MIF4GD: variants seen among roughly 807,000 people sequenced by gnomAD.
MIF4GD encodes the protein MIF4G domain containing.
A neutral mutation model predicts 26.7 loss-of-function variants in MIF4GD; 22 were observed. That is an observed-to-expected ratio of 0.82 (90% confidence interval 0.59 to 1.18). MIF4GD has a LOEUF of 1.18. Among genes scored for constraint, MIF4GD ranks in the 50% most tolerant of loss-of-function variants. The pLI is 0.00. For synonymous variants in MIF4GD, 137 were observed against 111.6 expected (o/e 1.23, Z -1.43); for missense variants, 262 against 279.6 (o/e 0.94, Z 0.45).
chr17:75,267,134 C>T (rs867158483), intron 5 of MIF4GD, among the ~76,000 whole-genome samples, 167 bp from the exon 6 acceptor site: 6 of 152,100 alleles, frequency 3.9e-5, no homozygotes, highest in Non-Finnish European at 2.9e-5. Context: ...AAATGAGTTC[C>T]GGGACTTGCC....
At chr17:75,269,380 G>C (rs765754845) in intron 2 of MIF4GD, 9 of 1,614,110 alleles carry the variant, frequency 5.6e-6, no homozygotes, top group Non-Finnish European at 5.1e-6. Context: ...GAAGGCATCA[G>C]GCGAGAGCAA....
At chr17:75,267,440 TCCTCAGAGA>T (rs1280892817) in intron 5 of MIF4GD, 89 bp downstream of exon 5, 6 of 1,209,740 alleles carry the variant, frequency 5.0e-6, no homozygotes, top group Middle Eastern at 5.3e-4. Flanking sequence ...AGTGACACAG[TCCTCAGAGA>T]CCTCCGTGAG....
chr17:75,268,640 C>T (rs1249387683), intron 2 of MIF4GD, among the ~76,000 whole-genome samples: 1 of 147,330 alleles, frequency 6.8e-6, no homozygotes, highest in African/African-American at 2.5e-5. Context: ...CTATTGCACT[C>T]CAGCCTGGGC....
In MIF4GD at chr17:75,268,164, C is replaced by G; in HGVS notation, c.111G>C (p.Val37=). 1.2e-6 allele frequency: 2 copies of G among 1,614,246 alleles called. No individual in the cohort carries two copies. Among genetic ancestry groups the G allele is most frequent in the Non-Finnish European group, 1.7e-6 (2 of 1,180,032 alleles). The change falls in exon 3 of 6, where the codon GTG becomes GTC. Residue 37 remains valine (V), a synonymous_variant. Transcript: ENST00000325102. ...GAGAATGGTCCACAATCACATTGGC[C>G]ACTTTCTCCAAGTCCACAGCACCCG... ...KDPGAVDLEK[V]ANVIVDHSLQ...
At chr17:75,269,302 G>C in intron 2 of MIF4GD, 1 of 1,608,864 alleles carries the variant, frequency 6.2e-7, no homozygotes, top group Non-Finnish European at 8.5e-7. Context: ...AACAGGCTCG[G>C]CTTGACACAT....
Position 75,266,617 on chromosome 17 carries a change from AGAAGGGAAGACACTCAAAGTCTG to A in MIF4GD, c.*100_*122del. The A allele has an allele frequency of 1.1e-6, 1 of 885,588 alleles. No individual in the cohort carries two copies. The highest frequency in any genetic ancestry group is 1.8e-6 in the Non-Finnish European group (1 of 551,036). The allele number at this position is 885,588 out of a possible 1,614,324, so 54.9% of individuals were successfully genotyped here. A position where few individuals can be genotyped will look rare whatever the true frequency, so the allele number is the denominator to read the frequency against. ...ATCTCACCAGGAGATGGGAAAGTCT[AGAAGGGAAGACACTCAAAGTCTG>A]GAAGGGAAAAGTCTTTGGGTGAGGC... On this transcript the variant is annotated 3_prime_UTR_variant, in exon 6 of 6. Coordinates refer to ENST00000325102, the MANE Select transcript of MIF4GD (RefSeq NM_001370592.1).
chr17:75,267,586 G>C lies in MIF4GD; in HGVS notation c.393C>G (p.Asp131Glu). Residue 131 changes from aspartate to glutamate, a missense_variant, in exon 5 of 6, where the codon GAC (aspartate) becomes GAG (glutamate). Asp to Glu is a conservative substitution (Grantham distance 45). Transcript: ENST00000325102. ...PMMALVNPVY[D>E]CLFRLAQPDS... ...CTGGCTGGGCCAGCCGGAAGAGGCA[G>C]TCATAGACAGGGTTCACCAGGGCCA... 2 of 1,614,242 alleles carry C rather than the reference G, an allele frequency of 1.2e-6. No individual in the cohort carries two copies. The highest frequency in any genetic ancestry group is 1.7e-6 in the Non-Finnish European group (2 of 1,180,042).
rs751879261 is a variant in MIF4GD, at chr17:75,268,165, A to G, written c.110T>C (p.Val37Ala). The change falls in exon 3 of 6, where the codon GTG (valine) becomes GCG (alanine). Residue 37 changes from valine to alanine, a missense_variant. Transcript: ENST00000325102. ...AGAATGGTCCACAATCACATTGGCC[A>G]CTTTCTCCAAGTCCACAGCACCCGG... ...KDPGAVDLEK[V>A]ANVIVDHSLQ... The G allele has an allele frequency of 6.2e-7, 1 of 1,614,110 alleles. No individual in the cohort carries two copies. Among genetic ancestry groups the G allele is most frequent in the Non-Finnish European group, 8.5e-7 (1 of 1,180,040 alleles).
Position 75,268,191 on chromosome 17 carries a change from A to T in MIF4GD, c.84T>A (p.Asp28Glu), listed in dbSNP as rs764505586. The T allele has an allele frequency of 6.2e-7, 1 of 1,613,374 alleles. No individual in the cohort carries two copies. The highest frequency in any genetic ancestry group is 1.7e-5 in the Admixed American group (1 of 60,018). Residue 28 changes from aspartate (D) to glutamate (E), a missense_variant and splice_region_variant, in exon 3 of 6, where the codon GAT becomes GAA. Coordinates refer to ENST00000325102, the MANE Select transcript of MIF4GD (RefSeq NM_001370592.1). ...TQQLLKTALK[D>E]PGAVDLEKVA... ...CTTTCTCCAAGTCCACAGCACCCGG[A>T]TCTAGGGGTAGAGATAGGAGGGGAG...
rs570945379 is a variant in MIF4GD at position 75,270,496 on chromosome 17, A to G, written c.-50-251T>C. The stretch of plus-strand genomic sequence containing the variant: ...ACAAGAGCGAGAAGCTGAAGCAGGA[A>G]AGCGCCCACCCTCCAGTCCCAGCAG... On this transcript the variant is annotated intron_variant, in intron 1 of 5. Transcript: ENST00000325102. The surrounding 1 kb of genome is among the most constrained non-coding windows in gnomAD (Gnocchi z 5.7). 663 of 341,210 alleles carry G rather than the reference A, an allele frequency of 1.9e-3. 6 individuals carry two copies. Among genetic ancestry groups the G allele is most frequent in the African/African-American group, 0.013 (617 of 46,876 alleles). 21.1% of individuals were successfully genotyped at this position (341,210 alleles called of 1,614,324 possible). A position where few individuals can be genotyped will look rare whatever the true frequency, so the allele number is the denominator to read the frequency against.
Position 75,270,841 on chromosome 17 carries a change from C to T in MIF4GD, c.-51+303G>A, listed in dbSNP as rs938936271. ...CTCCCCAGACCCGTGCCAGCTTCTC[C>T]CTGGGACAGGCTGGTCGGATCGGCT... On this transcript the variant is annotated intron_variant, in intron 1 of 5. Transcript: ENST00000325102. The surrounding 1 kb of genome is among the most constrained non-coding windows in gnomAD (Gnocchi z 5.7). The T allele has an allele frequency of 4.6e-5, 7 of 152,722 alleles. No homozygotes were observed. Among genetic ancestry groups the T allele is most frequent in the African/African-American group, 1.4e-4 (6 of 41,458 alleles). The allele number at this position is 152,722 out of a possible 1,614,324, so 9.5% of individuals were successfully genotyped here.
intron 2 of MIF4GD, among the ~76,000 whole-genome samples, chr17:75,268,966 T>C (rs1369676152): frequency 6.6e-6 from 1 of 151,730 alleles, no homozygotes; most frequent in Non-Finnish European, 1.5e-5. Context: ...ATCGTGCCAT[T>C]GCACTCCAGC....
In MIF4GD at chr17:75,268,179, C is replaced by A; in HGVS notation, c.96G>T (p.Val32=). The A allele has an allele frequency of 3.1e-6, 5 of 1,614,144 alleles. No homozygotes were observed. Among genetic ancestry groups the A allele is most frequent in the Non-Finnish European group, 4.2e-6 (5 of 1,179,962 alleles). ...TCACATTGGCCACTTTCTCCAAGTC[C>A]ACAGCACCCGGATCTAGGGGTAGAG... ...LKTALKDPGA[V]DLEKVANVIV... Residue 32 remains valine, a synonymous_variant, in exon 3 of 6, where the codon GTG becomes GTT. Coordinates refer to ENST00000325102, the MANE Select transcript of MIF4GD (RefSeq NM_001370592.1).
chr17:75,267,968 C>T (rs1567822717), intron 3 of MIF4GD, 67 bp from the exon 4 acceptor site: 2 of 1,595,912 alleles, frequency 1.3e-6, no homozygotes, highest in East Asian at 4.5e-5. Context: ...CCATCCTATG[C>T]CTCTCTCTCT....
chr17:75,268,183 G>C lies in MIF4GD; in HGVS notation c.92C>G (p.Ala31Gly). ...LLKTALKDPG[A>G]VDLEKVANVI... ...ATTGGCCACTTTCTCCAAGTCCACAGCACCCGGATCTAGGGGTAGAGATAG... is the reference window on the plus strand; with the variant it reads ...ATTGGCCACTTTCTCCAAGTCCACACCACCCGGATCTAGGGGTAGAGATAG... Residue 31 changes from alanine to glycine, a missense_variant, in exon 3 of 6, where the codon GCT becomes GGT. Physicochemically the swap from Ala to Gly is moderately conservative, Grantham distance 60 (BLOSUM62 0). Coordinates refer to ENST00000325102, the MANE Select transcript of MIF4GD (RefSeq NM_001370592.1). 1 of 1,613,990 alleles carries C rather than the reference G, an allele frequency of 6.2e-7. No individual in the cohort carries two copies. Among genetic ancestry groups the C allele is most frequent in the African/African-American group, 1.3e-5 (1 of 75,042 alleles).
upstream of MIF4GD, chr17:75,271,256 G>T (rs556210121): frequency 1.0e-2 from 1,511 of 151,228 alleles, 12 homozygotes; most frequent in Non-Finnish European, 0.017. This position sits in a 1 kb window ranked among gnomAD's most constrained non-coding sequence, Gnocchi z 4.2. Context: ...GCGCGGCGCC[G>T]GGGAAGGGTC....
Position 75,266,960 on chromosome 17 carries a change from C to T in MIF4GD, c.449G>A (p.Cys150Tyr). 1 of 1,613,566 alleles carries T rather than the reference C, an allele frequency of 6.2e-7. No individual in the cohort carries two copies. Among genetic ancestry groups the T allele is most frequent in the African/African-American group, 1.3e-5 (1 of 75,042 alleles). ...DSLSKEEEVDCLVLQLHRVGE... is the reference protein window; with the variant it reads ...DSLSKEEEVDYLVLQLHRVGE... ...AACCCGGTGCAGCTGCAGCACCAAA[C>T]AGTCCACCTGCAGGCGACAGTGTGG... The change falls in exon 6 of 6, where the codon TGT (cysteine) becomes TAT (tyrosine). Residue 150 changes from cysteine (C) to tyrosine (Y), a missense_variant. By Grantham distance (194) the Cys-to-Tyr change is radical (BLOSUM62 -2). Transcript: ENST00000325102.
At position 75,268,126 on chromosome 17, in the gene MIF4GD, A is replaced by G. The variant is rs758049602; in HGVS notation, c.149T>C (p.Val50Ala). 1.2e-6 allele frequency: 2 copies of G among 1,614,178 alleles called. No individual in the cohort carries two copies. Among genetic ancestry groups the G allele is most frequent in the Admixed American group, 3.3e-5 (2 of 60,030 alleles). ...CATGCGTCCTGCTTCCTTGCTGAAC[A>G]CACAGTCCTGCAGAGAATGGTCCAC... ...VIVDHSLQDC[V>A]FSKEAGRMCY... is the part of the protein sequence containing the mutation. Residue 50 changes from valine (V) to alanine (A), a missense_variant, in exon 3 of 6, where the codon GTG becomes GCG. By Grantham distance (64) the Val-to-Ala change is moderately conservative. Coordinates refer to ENST00000325102, the MANE Select transcript of MIF4GD (RefSeq NM_001370592.1).
At chr17:75,268,050 A>G in intron 3 of MIF4GD, 33 bp downstream of exon 3, 1 of 1,609,896 alleles carries the variant, frequency 6.2e-7, no homozygotes, top group Non-Finnish European at 8.5e-7. Context: ...CACCTTCCTC[A>G]AAGCAGCTTC....
Sources: allele counts gnomAD v4.1 joint callset (sites outside exome capture counted in the v4.1 genomes callset), GRCh38; gene constraint gnomAD v4.1.1; non-coding constraint Gnocchi (gnomAD v3.1); transcripts MANE v1.5; gene names NCBI Gene and HGNC (gene_info 2026-07-23, HGNC 2026-07-21).